Variants in VWF observed in about 807,000 individuals in gnomAD.
The protein encoded by VWF is von Willebrand factor, also known as Factor VIII related antigen.
In VWF, 176 loss-of-function variants were observed where a neutral mutation model predicts 308.6. The ratio of observed to expected loss-of-function variants is 0.57; its 90% confidence interval spans 0.50 to 0.65. The LOEUF is 0.65. Among genes scored for constraint, VWF ranks in the 30% least tolerant of loss-of-function variants. The probability of loss-of-function intolerance (pLI) is 0.00; values close to 1 mark genes in which losing one functional copy is unlikely to be tolerated. For synonymous variants in VWF, 1,385 were observed against 1,443.4 expected, an observed-to-expected ratio of 0.96 and a Z score of 0.92; for missense variants, 3,146 against 3,648.2, an observed-to-expected ratio of 0.86 and a Z score of 3.55.
intron 47 of VWF, chr12:5,953,857 AAATTC>A (rs1375289985): frequency 1.1e-5 from 5 of 465,456 alleles, no homozygotes; most frequent in Middle Eastern, 6.0e-4. Context: ...TCAGACTTAC[AAATTC>A]AATTGTTTAC....
At position 6,052,758 on chromosome 12, in the gene VWF, C is replaced by T. The variant is rs1944532223; in HGVS notation, c.1971G>A (p.Val657=). ...TGCAGGGGGTCCCGCACTGCAGGTA[C>T]ACCTGGCCTTTCGGGCAGTTCAGCT... ...RCELNCPKGQ[V]YLQCGTPCNL... The change falls in exon 16 of 52, where the codon GTG becomes GTA. Residue 657 remains valine (V), a synonymous_variant. Coordinates refer to ENST00000261405, the MANE Select transcript of VWF (RefSeq NM_000552.5). 1.9e-6 allele frequency: 3 copies of T among 1,612,886 alleles called. No homozygotes were observed. In the East Asian group the frequency reaches 6.7e-5, roughly 36 times the overall value.
intron 34 of VWF, among the ~76,000 whole-genome samples, chr12:6,006,196 T>C (rs779870707): frequency 2.0e-5 from 3 of 152,174 alleles, no homozygotes; most frequent in Non-Finnish European, 4.4e-5. Context: ...CTGTTATAAG[T>C]ATAGGCTGTT....
At chr12:5,967,460 C>T (rs756033498) in intron 47 of VWF, 26 bp downstream of exon 47, 1 of 1,607,292 alleles carries the variant, frequency 6.2e-7, no homozygotes, top group Non-Finnish European at 8.5e-7. Flanking sequence ...AGTCCATGCC[C>T]TCGGTCCCCA....
intron 34 of VWF, among the ~76,000 whole-genome samples, chr12:6,010,382 C>T (rs944695010): frequency 4.6e-5 from 7 of 152,260 alleles, no homozygotes; most frequent in African/African-American, 9.6e-5. Flanking sequence ...CCTCGCTGAT[C>T]GAAAACCAAA....
intron 5 of VWF, among the ~76,000 whole-genome samples, chr12:6,106,875 C>CAAAAAA (rs201177758): frequency 7.8e-4 from 27 of 34,608 alleles, no homozygotes; most frequent in Non-Finnish European, 8.2e-4. Flanking sequence ...AACTCCGACT[C>CAAAAAA]AAAAAAAAAA....
In VWF at chr12:6,019,190, T is replaced by C. The variant is rs1278014477; in HGVS notation, c.4228A>G (p.Ile1410Val). The C allele has an allele frequency of 6.2e-7, 1 of 1,613,932 alleles. No individual in the cohort carries two copies. Among genetic ancestry groups the C allele is most frequent in the Admixed American group, 1.7e-5 (1 of 60,008 alleles). Residue 1410 changes from isoleucine to valine, a missense_variant, in exon 28 of 52, where the codon ATT (isoleucine) becomes GTT (valine). Around this residue, in one of 3 missense-constraint regions of VWF, gnomAD observed 853 missense variants for 1,177.8 expected, o/e 0.72. Transcript: ENST00000261405. The surrounding 1 kb of genome is among the most constrained non-coding windows in gnomAD (Gnocchi z 5.8). The stretch of plus-strand genomic sequence containing the variant: ...GGCCCAATGCCCACCGGGATCACAA[T>C]GACCTTCTTCTTCTTCAGGCCCTGG... Reference protein sequence around the residue: ...YVQGLKKKKVIVIPVGIGPHA... With the variant: ...YVQGLKKKKVVVIPVGIGPHA...
chr12:6,099,649 C>T (rs1945140183), intron 5 of VWF, among the ~76,000 whole-genome samples: 2 of 152,178 alleles, frequency 1.3e-5, no homozygotes, highest in South Asian at 2.1e-4. Flanking sequence ...GGAAGGGATT[C>T]CCTATTTAAT....
rs1158094646 is a variant in VWF at position 6,024,514 on chromosome 12, T to C, written c.3223-727A>G. Among the ~76,000 whole-genome samples the C allele has an allele frequency of 6.6e-6, 1 of 152,240 alleles. No homozygotes were observed. The highest frequency in any genetic ancestry group is 2.4e-5 in the African/African-American group (1 of 41,472). On this transcript the variant is annotated intron_variant, in intron 24 of 51. Transcript: ENST00000261405. This position sits in a 1 kb window ranked among gnomAD's most constrained non-coding sequence, Gnocchi z 4.0. ...TTTCCACCAAACCAGGGAATGTAAG[T>C]ATCCTTTGGAGTCCTCAGAGACCGA...
rs2136515474 is a variant in VWF at position 6,105,965 on chromosome 12, C to A, written c.532+4409G>T. ...GGCTGAGGCAGGAGAATCACTTGAA[C>A]CCGGGAGGTGGAGGTTGCAGTAAGC... On this transcript the variant is annotated intron_variant, in intron 5 of 51. Transcript: ENST00000261405. Among the ~76,000 whole-genome samples the A allele has an allele frequency of 2.0e-5, 3 of 152,238 alleles. No homozygotes were observed. In the Middle Eastern group the frequency reaches 0.01, roughly 518 times the overall value.
chr12:6,013,573 G>A lies in VWF; in HGVS notation c.5528C>T (p.Ala1843Val). Residue 1843 changes from alanine (A) to valine (V), a missense_variant, in exon 32 of 52, where the codon GCA becomes GTA. Physicochemically the swap from Ala to Val is moderately conservative, Grantham distance 64 (BLOSUM62 0). Transcript: ENST00000261405. ...AAQLRILAGP[A>V]GDSNVVKLQR... Reference sequence around the variant, plus strand: ...GAGCTTCACCACGTTGGAGTCGCCTGCTGGGCCTGCCAAGATCCGTAGCTG... The same window carrying A: ...GAGCTTCACCACGTTGGAGTCGCCTACTGGGCCTGCCAAGATCCGTAGCTG... The A allele has an allele frequency of 6.2e-7, 1 of 1,614,028 alleles. No individual in the cohort carries two copies.
At chr12:6,045,284 C>T (rs966933406) in intron 17 of VWF, among the ~76,000 whole-genome samples, 2 of 152,206 alleles carry the variant, frequency 1.3e-5, no homozygotes, top group Non-Finnish European at 2.9e-5. Flanking sequence ...CTCCTCTGGG[C>T]AAAACAGTCA....
intron 47 of VWF, among the ~76,000 whole-genome samples, chr12:5,965,151 G>A (rs1943387258): frequency 6.6e-6 from 1 of 152,160 alleles, no homozygotes; most frequent in African/African-American, 2.4e-5. Context: ...ATCACCGCAG[G>A]AAACATCCTT....
At position 5,962,510 on chromosome 12, in the gene VWF, C is replaced by A. The variant is rs181296790; in HGVS notation, c.7887+4976G>T. Reference sequence around the variant, plus strand: ...AAGGATCAGAAAAAAAGGAGCCTAGCGATTGGTCCATACATACACAGGCAA... The same window carrying A: ...AAGGATCAGAAAAAAAGGAGCCTAGAGATTGGTCCATACATACACAGGCAA... On this transcript the variant is annotated intron_variant, in intron 47 of 51. Coordinates refer to ENST00000261405, the MANE Select transcript of VWF (RefSeq NM_000552.5). 2.2e-4 allele frequency among the ~76,000 whole-genome samples: 32 copies of A among 147,792 alleles called. No homozygotes were observed. The Admixed American group carries it at 2.2e-3, about 10-fold the overall frequency.
chr12:6,004,702 C>G (rs1943907931), intron 34 of VWF, among the ~76,000 whole-genome samples: 1 of 141,496 alleles, frequency 7.1e-6, no homozygotes, highest in African/African-American at 2.6e-5. Flanking sequence ...TTAACATATA[C>G]AGATATATAT....
intron 3 of VWF, among the ~76,000 whole-genome samples, chr12:6,116,120 C>A (rs767402743): frequency 6.6e-6 from 1 of 152,142 alleles, no homozygotes; most frequent in Non-Finnish European, 1.5e-5. Context: ...CATTAGAAAT[C>A]GCCGGTGAGC....
chr12:6,095,277 T>A, intron 6 of VWF, 183 bp downstream of exon 6: 6 of 925,750 alleles, frequency 6.5e-6, no homozygotes, highest in Non-Finnish European at 1.7e-6. Context: ...CCCAGACTCA[T>A]TTTTAGAGCT....
chr12:5,953,381 A>C (rs1182578706), intron 48 of VWF, 115 bp downstream of exon 48: 1 of 754,502 alleles, frequency 1.3e-6, no homozygotes, highest in Non-Finnish European at 2.3e-6. Context: ...AGAAAGAAAT[A>C]GAAAAAGAAG....
chr12:6,050,524 C>A (rs1245162074), intron 16 of VWF, among the ~76,000 whole-genome samples: 1 of 152,226 alleles, frequency 6.6e-6, no homozygotes, highest in Admixed American at 6.5e-5. Context: ...CCCCTCACTT[C>A]TGAAGACCCC....
chr12:6,036,502 A>G lies in VWF; in HGVS notation c.2443-11T>C. 5 of 1,613,388 alleles carry G rather than the reference A, an allele frequency of 3.1e-6. No individual in the cohort carries two copies. Among genetic ancestry groups the G allele is most frequent in the Non-Finnish European group, 4.2e-6 (5 of 1,179,342 alleles). On this transcript the variant is annotated splice_polypyrimidine_tract_variant and intron_variant, in intron 18 of 51. Coordinates refer to ENST00000261405, the MANE Select transcript of VWF (RefSeq NM_000552.5). ...GTTCTCATGCCGGACCTAAGAGAAA[A>G]GAATCCAAAAGTCCTCAGGGCCACA...
Sources: allele counts gnomAD v4.1 joint callset (sites outside exome capture counted in the v4.1 genomes callset), GRCh38; gene constraint gnomAD v4.1.1; regional missense constraint gnomAD v4.1.1; non-coding constraint Gnocchi (gnomAD v3.1); transcripts MANE v1.5; gene names NCBI Gene and HGNC (gene_info 2026-07-23, HGNC 2026-07-21).